Variants in EVI5 observed in about 807,000 individuals in gnomAD.
The protein encoded by EVI5 is ecotropic viral integration site 5, also known as ecotropic viral integration site 5 protein homolog.
EVI5 carries 73 observed loss-of-function variants against 112.0 expected under a neutral mutation model. The ratio of observed to expected loss-of-function variants is 0.65; its 90% CI spans 0.54 to 0.79. The LOEUF (loss-of-function observed/expected upper bound fraction) is 0.79. Ranked by LOEUF, EVI5 falls within the 30% of genes least tolerant of loss-of-function variation. EVI5 has a pLI of 0.00. For missense variants in EVI5, 900 were observed against 968.8 expected, an observed-to-expected ratio of 0.93 and a Z score of 0.94; for synonymous variants, 305 against 319.9, an observed-to-expected ratio of 0.95 and a Z score of 0.50.
chr1:92,768,183 A>G (rs1356375717), intron 1 of EVI5, among the ~76,000 whole-genome samples: 2 of 152,168 alleles, frequency 1.3e-5, no homozygotes, highest in Admixed American at 1.3e-4. Context: ...ACTATAATAG[A>G]AAACTAAGGT....
At chr1:92,669,416 C>T (rs925098870) in intron 10 of EVI5, among the ~76,000 whole-genome samples, 15 of 151,796 alleles carry the variant, frequency 9.9e-5, no homozygotes, top group East Asian at 1.9e-4. Context: ...GGCATGGTGG[C>T]GCATGCCTGT....
chr1:92,679,943 A>G (rs985427856), intron 9 of EVI5, among the ~76,000 whole-genome samples: 3 of 152,180 alleles, frequency 2.0e-5, no homozygotes, highest in African/African-American at 7.2e-5. Context: ...GACCTTGATC[A>G]TCTGGCTGAA....
intron 16 of EVI5, among the ~76,000 whole-genome samples, chr1:92,620,343 T>C (rs1477870254): frequency 3.3e-5 from 4 of 122,884 alleles, no homozygotes; most frequent in Admixed American, 9.6e-5. Flanking sequence ...TGAAACTCCA[T>C]CTCAAAAAAA....
chr1:92,699,587 G>A (rs944034484), intron 5 of EVI5, among the ~76,000 whole-genome samples: 9 of 152,016 alleles, frequency 5.9e-5, no homozygotes, highest in Admixed American at 2.6e-4. Context: ...ATCATTGTGC[G>A]AACATCATAG....
chr1:92,761,514 C>T (rs1681869708), intron 1 of EVI5, among the ~76,000 whole-genome samples: 1 of 152,162 alleles, frequency 6.6e-6, no homozygotes, highest in Non-Finnish European at 1.5e-5. Flanking sequence ...TTTGTATCTG[C>T]ATACATCGTT....
chr1:92,575,862 C>G (rs2101035122), intron 18 of EVI5, among the ~76,000 whole-genome samples: 1 of 152,198 alleles, frequency 6.6e-6, no homozygotes, highest in Middle Eastern at 3.4e-3. Flanking sequence ...AGCCACCTTG[C>G]CTGACCTTAT....
intron 2 of EVI5, among the ~76,000 whole-genome samples, chr1:92,727,163 T>C (rs1190322769): frequency 6.6e-6 from 1 of 152,064 alleles, no homozygotes; most frequent in Non-Finnish European, 1.5e-5. Flanking sequence ...GGCAAATCCA[T>C]AGAGACAGAA....
chr1:92,718,684 A>G (rs1244084992), intron 2 of EVI5, among the ~76,000 whole-genome samples: 1 of 152,200 alleles, frequency 6.6e-6, no homozygotes, highest in Non-Finnish European at 1.5e-5. Flanking sequence ...GCAAGAAATA[A>G]CTAAGAACAG....
intron 5 of EVI5, among the ~76,000 whole-genome samples, chr1:92,700,313 G>A (rs1670952666): frequency 6.6e-6 from 1 of 152,138 alleles, no homozygotes. Context: ...TAACCATTTT[G>A]ATAAAGTATG....
At chr1:92,681,910 C>T (rs942009999) in intron 9 of EVI5, among the ~76,000 whole-genome samples, 1 of 152,156 alleles carries the variant, frequency 6.6e-6, no homozygotes, top group African/African-American at 2.4e-5. Flanking sequence ...TAGCACCCTA[C>T]CATGTTTCTG....
chr1:92,540,185 G>A (rs550108724), intron 19 of EVI5, among the ~76,000 whole-genome samples: 1 of 152,208 alleles, frequency 6.6e-6, no homozygotes, highest in South Asian at 2.1e-4. Context: ...ATGTTTTCAT[G>A]TTACTTGGGT....
At chr1:92,736,009 G>T (rs1331781341) in intron 2 of EVI5, among the ~76,000 whole-genome samples, 1 of 151,238 alleles carries the variant, frequency 6.6e-6, no homozygotes, top group Non-Finnish European at 1.5e-5. Flanking sequence ...TGCTTTCTAT[G>T]AATAATTTAT....
upstream of EVI5, among the ~76,000 whole-genome samples, chr1:92,787,185 T>C (rs573717904): frequency 1.3e-5 from 2 of 152,370 alleles, no homozygotes; most frequent in African/African-American, 4.8e-5. Flanking sequence ...ATGAAAATTA[T>C]AGATGCTAAA....
chr1:92,545,291 G>T (rs924303799), intron 19 of EVI5, among the ~76,000 whole-genome samples: 2 of 151,728 alleles, frequency 1.3e-5, no homozygotes, highest in East Asian at 3.9e-4. Context: ...GCCCATGCTG[G>T]TCTTGAACTC....
chr1:92,533,339 G>C (rs1015866636), intron 19 of EVI5, among the ~76,000 whole-genome samples: 1 of 152,156 alleles, frequency 6.6e-6, no homozygotes, highest in African/African-American at 2.4e-5. Flanking sequence ...CAGATTCACA[G>C]CTGAATTCCA....
At chr1:92,791,676 G>A (rs1462064663) in intron 1 of EVI5, among the ~76,000 whole-genome samples, 2 of 151,662 alleles carry the variant, frequency 1.3e-5, no homozygotes, top group Non-Finnish European at 2.9e-5. Flanking sequence ...TTTTGATTTC[G>A]TGTGAAATTG....
chr1:92,710,573 C>T lies in EVI5; in HGVS notation c.150-5829G>A, dbSNP rs147748834. 1.7e-3 allele frequency among the ~76,000 whole-genome samples: 259 copies of T among 152,244 alleles called. 1 individual carries two copies. The highest frequency in any genetic ancestry group is 5.6e-3 in the African/African-American group (232 of 41,534). On this transcript the variant is annotated intron_variant, in intron 2 of 19. Coordinates refer to ENST00000684568, the MANE Select transcript of EVI5 (RefSeq NM_001350197.2). ...TTTTATACAGTAAATAATTCACAGG[C>T]CTAAATTCATTCATTCTCCCAGAAT...
intron 2 of EVI5, among the ~76,000 whole-genome samples, chr1:92,726,947 C>A (rs141163849): frequency 6.6e-6 from 1 of 151,904 alleles, no homozygotes; most frequent in Non-Finnish European, 1.5e-5. Context: ...TGAACTATAA[C>A]AAAATCATAA....
intron 9 of EVI5, among the ~76,000 whole-genome samples, chr1:92,683,302 A>C (rs1006372745): frequency 1.3e-5 from 2 of 152,162 alleles, no homozygotes; most frequent in Non-Finnish European, 2.9e-5. Context: ...GCAAACTCCA[A>C]AAGATCTGCA....
Sources: gnomAD v4.1 joint callset for allele counts (sites outside exome capture counted in the v4.1 genomes callset) on GRCh38, gnomAD v4.1.1 for gene constraint, MANE v1.5 for transcripts, NCBI Gene and HGNC (gene_info 2026-07-23, HGNC 2026-07-21) for gene names.